The following SLC8A1 variants were observed in gnomAD, a reference collection of about 807,000 sequenced individuals.
The protein encoded by SLC8A1 is solute carrier family 8 member A1.
Under a neutral mutation model 68.3 loss-of-function variants are expected in SLC8A1, and 18 were observed. The observed-to-expected ratio is 0.26, with a 90% CI of 0.18 to 0.39. SLC8A1 has a LOEUF of 0.39. SLC8A1 is among the 10% of genes least tolerant of loss of function. SLC8A1 has a pLI of 1.00. For missense variants in SLC8A1, 985 were observed against 1,156.7 expected (o/e 0.85, Z 2.15); for synonymous variants, 475 against 415.5 (o/e 1.14, Z -1.74).
exon 8 of SLC8A1, chr2:40,107,087 C>T (rs1156631438): frequency 6.6e-6 from 1 of 151,898 alleles, no homozygotes; most frequent in East Asian, 1.9e-4. Context: ...ATACGAACGG[C>T]AGAGGACCCA....
chr2:40,476,080 G>T (rs922441351), intron 1 of SLC8A1, among the ~76,000 whole-genome samples: 12 of 152,038 alleles, frequency 7.9e-5, no homozygotes, highest in Non-Finnish European at 1.6e-4. Context: ...TTTTCAATTC[G>T]ATTAAAGCAT....
chr2:40,111,505 G>C (rs1030644917), exon 8 of SLC8A1: 4 of 152,020 alleles, frequency 2.6e-5, no homozygotes, highest in African/African-American at 9.7e-5. Context: ...AAGATGATCG[G>C]ATCAATAAAG....
chr2:40,218,869 C>T (rs2057895676), intron 2 of SLC8A1, among the ~76,000 whole-genome samples: 1 of 152,172 alleles, frequency 6.6e-6, no homozygotes, highest in South Asian at 2.1e-4. Context: ...CACCCCGAGG[C>T]TAATAGCACA....
chr2:40,233,318 G>A (rs552042497), intron 2 of SLC8A1, among the ~76,000 whole-genome samples: 1 of 152,282 alleles, frequency 6.6e-6, no homozygotes, highest in African/African-American at 2.4e-5. Context: ...GTATCTCATG[G>A]TTTTGATTTG....
intron 1 of SLC8A1, among the ~76,000 whole-genome samples, chr2:40,501,473 T>G (rs1156624405): frequency 2.6e-5 from 4 of 152,104 alleles, no homozygotes; most frequent in Admixed American, 1.3e-4. Flanking sequence ...TCTCCCTTAT[T>G]TCTGGATATT....
In SLC8A1 at chr2:40,149,606, AG is replaced by A. The variant is rs560286473; in HGVS notation, c.2162-9931del. 4.0e-3 allele frequency among the ~76,000 whole-genome samples: 613 copies of A among 152,292 alleles called. 1 individual carries two copies. Among genetic ancestry groups the A allele is most frequent in the Non-Finnish European group, 5.8e-3 (395 of 68,026 alleles). ...TACTGGCATTAAGCTTTGGGAGGCA[AG>A]TGTGACAAGATGGAAAGAGGATTGA... On this transcript the variant is annotated intron_variant, in intron 6 of 7. Transcript: ENST00000406785.
intron 2 of SLC8A1, among the ~76,000 whole-genome samples, chr2:40,423,096 G>T (rs899968092): frequency 1.3e-5 from 2 of 151,994 alleles, no homozygotes; most frequent in African/African-American, 4.8e-5. Context: ...TATTCAGGTT[G>T]GTTTAAGTAC....
intron 2 of SLC8A1, among the ~76,000 whole-genome samples, chr2:40,358,220 T>C (rs1045185679): frequency 6.6e-6 from 1 of 151,608 alleles, no homozygotes; most frequent in Admixed American, 6.6e-5. Flanking sequence ...TTAAGGTTTT[T>C]AGATAATTTC....
chr2:40,437,582 G>A (rs1192059171), intron 1 of SLC8A1, among the ~76,000 whole-genome samples: 2 of 152,056 alleles, frequency 1.3e-5, no homozygotes, highest in Non-Finnish European at 1.5e-5. Context: ...AGAGGGGAAC[G>A]GATAATGAAC....
chr2:40,274,737 T>C (rs1185579112), intron 2 of SLC8A1, among the ~76,000 whole-genome samples: 1 of 152,202 alleles, frequency 6.6e-6, no homozygotes, highest in Non-Finnish European at 1.5e-5. Context: ...TGACAAGAAG[T>C]TATATATCTC....
At position 40,187,673 on chromosome 2, in the gene SLC8A1, C is replaced by A. The variant is rs144935387; in HGVS notation, c.1809-9818G>T. Reference sequence around the variant, plus strand: ...AGCAATCAATTGTCAGTGTCAGTGTCCAAAAAACAAATATATGAGCTACTT... The same window carrying A: ...AGCAATCAATTGTCAGTGTCAGTGTACAAAAAACAAATATATGAGCTACTT... On this transcript the variant is annotated intron_variant, in intron 2 of 7. Coordinates refer to ENST00000406785, the Ensembl canonical transcript of SLC8A1. 5.6e-3 allele frequency among the ~76,000 whole-genome samples: 851 copies of A among 152,248 alleles called. 4 individuals carry two copies. The highest frequency in any genetic ancestry group is 8.7e-3 in the Non-Finnish European group (594 of 68,014).
intron 1 of SLC8A1, among the ~76,000 whole-genome samples, chr2:40,475,621 C>T (rs778213028): frequency 2.0e-5 from 3 of 151,848 alleles, no homozygotes; most frequent in African/African-American, 2.4e-5. Flanking sequence ...TGTACATATA[C>T]ATACATGTAC....
intron 2 of SLC8A1, among the ~76,000 whole-genome samples, chr2:40,424,461 G>T (rs1696339829): frequency 2.6e-5 from 4 of 151,776 alleles, no homozygotes; most frequent in African/African-American, 9.6e-5. Context: ...ATATACTACT[G>T]AAATTTTTTT....
intron 2 of SLC8A1, among the ~76,000 whole-genome samples, chr2:40,397,269 T>C (rs1687283195): frequency 6.6e-6 from 1 of 152,232 alleles, no homozygotes; most frequent in African/African-American, 2.4e-5. Context: ...CATGAGCTAA[T>C]GTGCCCATTG....
chr2:40,217,560 G>C (rs888782011), intron 2 of SLC8A1, among the ~76,000 whole-genome samples: 1 of 152,106 alleles, frequency 6.6e-6, no homozygotes, highest in Admixed American at 6.5e-5. Context: ...CAACACAATA[G>C]ATGTCATCTT....
At chr2:40,340,017 AG>A (rs1667182480) in intron 2 of SLC8A1, among the ~76,000 whole-genome samples, 1 of 152,242 alleles carries the variant, frequency 6.6e-6, no homozygotes, top group Non-Finnish European at 1.5e-5. Context: ...ACTGACTATA[AG>A]TAGTCATATG....
intron 2 of SLC8A1, among the ~76,000 whole-genome samples, chr2:40,382,889 T>A (rs1436903831): frequency 1.3e-5 from 2 of 152,072 alleles, no homozygotes; most frequent in Non-Finnish European, 2.9e-5. Flanking sequence ...AGGGATTCTA[T>A]TATAATTATG....
chr2:40,118,960 CA>C (rs1558422520), intron 7 of SLC8A1, among the ~76,000 whole-genome samples: 3 of 152,028 alleles, frequency 2.0e-5, no homozygotes, highest in African/African-American at 7.2e-5. Context: ...TTCTAGATGG[CA>C]CCTTTGCTGC....
At chr2:40,122,229 TGCGC>T (rs757797937) in intron 7 of SLC8A1, among the ~76,000 whole-genome samples, 275 of 149,794 alleles carry the variant, frequency 1.8e-3, no homozygotes, top group Middle Eastern at 0.011. Context: ...CACACACGTG[TGCGC>T]GCGCACACAC....
Sources: gnomAD v4.1 joint callset for allele counts (sites outside exome capture counted in the v4.1 genomes callset) on GRCh38, gnomAD v4.1.1 for gene constraint, MANE v1.5 for transcripts, NCBI Gene and HGNC (gene_info 2026-07-23, HGNC 2026-07-21) for gene names.